The following SUCO variants were observed in gnomAD, a reference collection of about 807,000 sequenced individuals.
SUCO encodes SUN domain-containing ossification factor.
In SUCO, 57 loss-of-function variants were observed where a neutral mutation model predicts 148.1. The observed-to-expected ratio is 0.38, with a 90% CI of 0.31 to 0.48. The LOEUF (loss-of-function observed/expected upper bound fraction) is 0.48. SUCO is among the 20% of genes least tolerant of loss of function. The probability of loss-of-function intolerance (pLI) is 0.96; values close to 1 mark genes in which losing one functional copy is unlikely to be tolerated. For missense variants in SUCO, 1,331 were observed against 1,468.2 expected (o/e 0.91, Z 1.53); for synonymous variants, 470 against 502.7 (o/e 0.93, Z 0.87).
Position 172,589,424 on chromosome 1 carries a change from A to C in SUCO, c.2323A>C (p.Asn775His), listed in dbSNP as rs1656475185. 1.9e-6 allele frequency: 3 copies of C among 1,613,280 alleles called. No individual in the cohort carries two copies. In the South Asian group the frequency reaches 3.3e-5, roughly 18 times the overall value. The change falls in exon 18 of 24, where the codon AAT becomes CAT. Residue 775 changes from asparagine to histidine, a missense_variant. This residue lies in a region of SUCO where 992 missense variants were observed against 1,093.5 expected (regional missense o/e 0.91). Coordinates refer to ENST00000263688, the MANE Select transcript of SUCO (RefSeq NM_014283.5). ...CCAAGAGAGTTCTGTTGAGATCGAT[A>C]ATGAAACAGAACAAAAGTCTGAGAG... ...IPQESSVEID[N>H]ETEQKSESFS...
intron 1 of SUCO, among the ~76,000 whole-genome samples, chr1:172,546,647 A>G (rs537034004): frequency 9.8e-5 from 15 of 152,290 alleles, no homozygotes; most frequent in African/African-American, 3.4e-4. Flanking sequence ...AGTGGCTCAC[A>G]CCTGTAATCC....
intron 3 of SUCO, among the ~76,000 whole-genome samples, chr1:172,554,472 G>A (rs560272207): frequency 1.3e-5 from 2 of 152,246 alleles, no homozygotes; most frequent in African/African-American, 4.8e-5. Context: ...ATTGGATTTT[G>A]AAGACTTAAT....
At chr1:172,541,293 A>G (rs1652437098) in intron 1 of SUCO, among the ~76,000 whole-genome samples, 1 of 152,196 alleles carries the variant, frequency 6.6e-6, no homozygotes, top group African/African-American at 2.4e-5. Flanking sequence ...AAGGATATGC[A>G]TAGATGTTTT....
At chr1:172,578,438 T>A (rs1247854290) in intron 14 of SUCO, 49 bp downstream of exon 14, 1 of 1,560,820 alleles carries the variant, frequency 6.4e-7, no homozygotes, top group Non-Finnish European at 8.8e-7. Flanking sequence ...TTTTACTTTT[T>A]AAAAATCGAA....
chr1:172,579,047 T>C (rs1278170429), intron 14 of SUCO, among the ~76,000 whole-genome samples, 155 bp from the exon 15 acceptor site: 1 of 152,116 alleles, frequency 6.6e-6, no homozygotes, highest in Non-Finnish European at 1.5e-5. Flanking sequence ...TAATCTTACA[T>C]GCTTTTTGTG....
chr1:172,562,327 A>ATTTTTTTTTTTTTTTTTTTT (rs34871543), intron 6 of SUCO, among the ~76,000 whole-genome samples: 4 of 137,710 alleles, frequency 2.9e-5, no homozygotes, highest in Non-Finnish European at 4.7e-5. Context: ...GGGTTTTAAC[A>ATTTTTTTTTTTTTTTTTTTT]TTTTTTTTTT....
chr1:172,598,493 A>G (rs1391950632), intron 19 of SUCO, among the ~76,000 whole-genome samples: 1 of 152,162 alleles, frequency 6.6e-6, no homozygotes, highest in Non-Finnish European at 1.5e-5. Flanking sequence ...ATCTTGATTG[A>G]GATTGTGTTG....
chr1:172,573,942 A>G lies in SUCO; in HGVS notation c.1101A>G (p.Ala367=). 1 of 1,602,190 alleles carries G rather than the reference A, an allele frequency of 6.2e-7. No homozygotes were observed. Among genetic ancestry groups the G allele is most frequent in the Non-Finnish European group, 8.5e-7 (1 of 1,172,288 alleles). ...TTCAAGTAAAACAGCTTGATATTGC[A>G]AATTATGAATTATTTTCTTCTACTC... is the stretch of plus-strand genomic sequence containing the variant. ...EPIQVKQLDI[A]NYELFSSTPK... Residue 367 remains alanine (A), a synonymous_variant, in exon 10 of 24, where the codon GCA becomes GCG. Transcript: ENST00000263688.
chr1:172,578,462 G>A, intron 14 of SUCO, 73 bp downstream of exon 14: 2 of 1,469,276 alleles, frequency 1.4e-6, no homozygotes, highest in Non-Finnish European at 1.8e-6. Flanking sequence ...TAATGGGGGA[G>A]TATAGCTTAC....
chr1:172,582,908 G>A (rs377343697), intron 15 of SUCO, among the ~76,000 whole-genome samples: 27 of 152,096 alleles, frequency 1.8e-4, no homozygotes, highest in African/African-American at 6.5e-4. Context: ...TAAAATTTAG[G>A]TTCAGAAATA....
In SUCO at chr1:172,577,786, G is replaced by T. The variant is rs1390448025; in HGVS notation, c.1307G>T (p.Gly436Val). Residue 436 changes from glycine to valine, a missense_variant, in exon 13 of 24, where the codon GGA becomes GTA. Physicochemically the swap from Gly to Val is moderately radical, Grantham distance 109. Coordinates refer to ENST00000263688, the MANE Select transcript of SUCO (RefSeq NM_014283.5). ...YIKVELLSHF[G>V]SEHFCPLSLI... is the part of the protein sequence containing the mutation. ...TAGGTTGAGTTGCTATCACATTTTG[G>T]ATCAGAGCACTTTTGTCCATTAAGC... The T allele has an allele frequency of 5.0e-6, 8 of 1,611,508 alleles. No individual in the cohort carries two copies. Among genetic ancestry groups the T allele is most frequent in the African/African-American group, 1.3e-5 (1 of 74,756 alleles).
chr1:172,558,476 C>T (rs1388518459), intron 6 of SUCO, among the ~76,000 whole-genome samples: 1 of 151,378 alleles, frequency 6.6e-6, no homozygotes, highest in Non-Finnish European at 1.5e-5. Context: ...TAAATAGGGT[C>T]CATGAGTAGT....
chr1:172,594,761 A>G (rs115879438), intron 19 of SUCO, among the ~76,000 whole-genome samples: 2,991 of 152,270 alleles, frequency 0.02, 42 homozygotes, highest in Non-Finnish European at 0.031. Context: ...TTGTTGATTT[A>G]GGGTGGAGAG....
At position 172,568,469 on chromosome 1, in the gene SUCO, TA is replaced by T. The variant is rs959476353; in HGVS notation, c.733-549del. 3 of 967,232 alleles carry T rather than the reference TA, an allele frequency of 3.1e-6. No individual in the cohort carries two copies. In the Admixed American group the frequency reaches 1.8e-4, roughly 59 times the overall value. 59.9% of individuals were successfully genotyped at this position (967,232 alleles called of 1,614,324 possible). A position where few individuals can be genotyped will look rare whatever the true frequency, so the allele number is the denominator to read the frequency against. On this transcript the variant is annotated intron_variant, in intron 6 of 23. Transcript: ENST00000263688. ...AATGTATCAGCTTTTAAAAATGATT[TA>T]TGCATTCTGCATCTTATTAACATGA...
At chr1:172,609,435 T>G (rs1658069845) in intron 23 of SUCO, 1 of 913,156 alleles carries the variant, frequency 1.1e-6, no homozygotes, top group African/African-American at 1.8e-5. Flanking sequence ...GAACCAAACA[T>G]CTGAACCTTG....
intron 6 of SUCO, 96 bp from the exon 7 acceptor site, chr1:172,568,923 G>T: frequency 3.4e-6 from 4 of 1,164,990 alleles, no homozygotes; most frequent in East Asian, 3.1e-5. Context: ...TTATAAATTG[G>T]AACTTTAATT....
rs1657569367 is a variant in SUCO at position 172,602,087 on chromosome 1, T to G, written c.3042T>G (p.Leu1014=). 1 of 1,611,456 alleles carries G rather than the reference T, an allele frequency of 6.2e-7. No homozygotes were observed. The highest frequency in any genetic ancestry group is 1.3e-5 in the African/African-American group (1 of 74,840). ...AGGTTTCAGATCGACAAAGCTATCT[T>G]GTCATATCTTTGGTTCTTTGTGTTG... ...KREVSDRQSY[L]VISLVLCVVL... is the part of the protein sequence containing the mutation. The change falls in exon 21 of 24, where the codon CTT becomes CTG. Residue 1014 remains leucine, a synonymous_variant. Coordinates refer to ENST00000263688, the MANE Select transcript of SUCO (RefSeq NM_014283.5).
rs748907074 is a variant in SUCO, at chr1:172,591,073, T to C, written c.2913+2T>C. ...ACTTCAAGAATAGCAGAGGAGCAGG[T>C]TGGTTTCTACATCCCTTATTTACTT... is the stretch of plus-strand genomic sequence containing the variant. On this transcript the variant is annotated splice_donor_variant, in intron 19 of 23. Transcript: ENST00000263688. LOFTEE classifies it high-confidence loss of function. 3 of 1,607,908 alleles carry C rather than the reference T, an allele frequency of 1.9e-6. No individual in the cohort carries two copies. Among genetic ancestry groups the C allele is most frequent in the Non-Finnish European group, 1.7e-6 (2 of 1,176,914 alleles).
At chr1:172,584,285 G>T in intron 15 of SUCO, 1 of 437,798 alleles carries the variant, frequency 2.3e-6, no homozygotes, top group Non-Finnish European at 3.0e-6. Flanking sequence ...AAAAGCATTT[G>T]CTTTTTTACA....
Sources: allele counts gnomAD v4.1 joint callset (sites outside exome capture counted in the v4.1 genomes callset), GRCh38; gene constraint gnomAD v4.1.1; regional missense constraint gnomAD v4.1.1; transcripts MANE v1.5; gene names NCBI Gene and HGNC (gene_info 2026-07-23, HGNC 2026-07-21).